PPP2R2C: variants seen among roughly 807,000 people sequenced by gnomAD.
PPP2R2C encodes the protein protein phosphatase 2, regulatory subunit B, gamma.
In PPP2R2C, 10 loss-of-function variants were observed where a neutral mutation model predicts 45.3. The observed-to-expected ratio is 0.22, with a 90% CI of 0.14 to 0.37. The LOEUF is 0.37. Ranked by LOEUF, PPP2R2C falls within the 10% of genes least tolerant of loss-of-function variation. The pLI, the probability that PPP2R2C is intolerant of heterozygous loss-of-function variation, is 1.00. For synonymous variants in PPP2R2C, 257 were observed against 245.4 expected, an observed-to-expected ratio of 1.05 and a Z score of -0.44; for missense variants, 308 against 619.7, an observed-to-expected ratio of 0.50 and a Z score of 5.34.
chr4:6,495,301 C>G (rs900474574), intron 2 of PPP2R2C, among the ~76,000 whole-genome samples: 1 of 152,216 alleles, frequency 6.6e-6, no homozygotes, highest in African/African-American at 2.4e-5. Context: ...ATCGAGGAGG[C>G]TGGAAGGACA....
rs913385604 is a variant in PPP2R2C, at chr4:6,490,399, C to T, written c.49+44872G>A. Among the ~76,000 whole-genome samples the T allele has an allele frequency of 5.9e-5, 9 of 152,332 alleles. No individual in the cohort carries two copies. In the East Asian group the frequency reaches 9.6e-4, roughly 16 times the overall value. On this transcript the variant is annotated intron_variant, in intron 2 of 9. Transcript: ENST00000506140. ...GCCTTCCTTGATTACTTCTGTGCTT[C>T]GAGTCATCATTAAGTCCATACCACA...
At chr4:6,529,112 G>A (rs887199116) in intron 2 of PPP2R2C, among the ~76,000 whole-genome samples, 1 of 152,242 alleles carries the variant, frequency 6.6e-6, no homozygotes, top group African/African-American at 2.4e-5. Context: ...ACCTCACAGG[G>A]ACAGGGAAGG....
chr4:6,366,857 A>G (rs1457919233), intron 5 of PPP2R2C, among the ~76,000 whole-genome samples: 2 of 152,088 alleles, frequency 1.3e-5, no homozygotes, highest in Non-Finnish European at 2.9e-5. Flanking sequence ...GGCACTGTGG[A>G]GGGGCTCAGG....
At chr4:6,444,390 C>T (rs950368853) in intron 1 of PPP2R2C, among the ~76,000 whole-genome samples, 76 of 152,286 alleles carry the variant, frequency 5.0e-4, no homozygotes, top group African/African-American at 1.6e-3. Flanking sequence ...TTCCTGACAA[C>T]CCCAAAGCCT....
At chr4:6,478,954 A>T (rs759338184) in intron 2 of PPP2R2C, among the ~76,000 whole-genome samples, 13 of 152,154 alleles carry the variant, frequency 8.5e-5, no homozygotes, top group Admixed American at 8.5e-4. Context: ...CAATTCACAA[A>T]ACCACCACAT....
chr4:6,502,503 C>T (rs1158795692), intron 2 of PPP2R2C, among the ~76,000 whole-genome samples: 5 of 151,820 alleles, frequency 3.3e-5, no homozygotes, highest in East Asian at 3.9e-4. Context: ...CCCTTTTTCC[C>T]TCTCTCCCTC....
chr4:6,420,810 T>C (rs907738356), intron 1 of PPP2R2C: 1 of 475,162 alleles, frequency 2.1e-6, no homozygotes, highest in Non-Finnish European at 2.8e-6. Flanking sequence ...CAGATAAGTA[T>C]TTGACATGGA....
chr4:6,511,533 G>GAT (rs1723491798), intron 2 of PPP2R2C, among the ~76,000 whole-genome samples: 1 of 61,058 alleles, frequency 1.6e-5, no homozygotes, highest in Non-Finnish European at 3.8e-5. Context: ...TGATGGTGGT[G>GAT]GTGGTGGTGG....
chr4:6,526,203 C>T (rs1245039464), intron 2 of PPP2R2C, among the ~76,000 whole-genome samples: 1 of 152,242 alleles, frequency 6.6e-6, no homozygotes, highest in African/African-American at 2.4e-5. Flanking sequence ...AATGCACACA[C>T]GTCTCCGTGA....
At chr4:6,372,405 A>G in intron 5 of PPP2R2C, 118 bp downstream of exon 5, 1 of 1,087,900 alleles carries the variant, frequency 9.2e-7, no homozygotes, top group Non-Finnish European at 1.3e-6. Context: ...GCCTCACTGA[A>G]GAAGTTAAAC....
chr4:6,348,559 T>A, intron 5 of PPP2R2C: 2 of 839,754 alleles, frequency 2.4e-6, no homozygotes, highest in Non-Finnish European at 2.9e-6. Flanking sequence ...AGTATGGAGA[T>A]TCTCCTTTGG....
At chr4:6,545,962 G>T (rs969525769) in intron 1 of PPP2R2C, among the ~76,000 whole-genome samples, 2 of 152,108 alleles carry the variant, frequency 1.3e-5, no homozygotes, top group African/African-American at 4.8e-5. Context: ...TTCCCTGGGT[G>T]GGGGGTGGGG....
intron 8 of PPP2R2C, among the ~76,000 whole-genome samples, chr4:6,325,453 G>T (rs913119394): frequency 2.3e-4 from 35 of 152,286 alleles, no homozygotes; most frequent in Middle Eastern, 3.4e-3. Context: ...GACTGGGGGA[G>T]GCCACACCCT....
chr4:6,414,904 A>T (rs1718469774), intron 1 of PPP2R2C, among the ~76,000 whole-genome samples: 1 of 152,190 alleles, frequency 6.6e-6, no homozygotes, highest in Admixed American at 6.5e-5. Flanking sequence ...ACATGTGCTT[A>T]GTTTTCCTGA....
chr4:6,498,611 C>T lies in PPP2R2C; in HGVS notation c.49+36660G>A, dbSNP rs188469051. Among the ~76,000 whole-genome samples the T allele has an allele frequency of 1.8e-3, 273 of 152,202 alleles. 1 individual carries two copies. The highest frequency in any genetic ancestry group is 6.5e-3 in the African/African-American group (269 of 41,530). Reference sequence around the variant, plus strand: ...AGGGTCAGCAGTTTGGAAAGGGGACCATGGGAGGTGACACCCTGCAGTGCG... The same window carrying T: ...AGGGTCAGCAGTTTGGAAAGGGGACTATGGGAGGTGACACCCTGCAGTGCG... On this transcript the variant is annotated intron_variant, in intron 2 of 9. Coordinates refer to the PPP2R2C transcript ENST00000506140.
intron 5 of PPP2R2C, among the ~76,000 whole-genome samples, chr4:6,361,909 T>C (rs568435885): frequency 6.6e-6 from 1 of 152,296 alleles, no homozygotes; most frequent in African/African-American, 2.4e-5. Context: ...CAGGTGCTCA[T>C]GTCAGAGATT....
intron 1 of PPP2R2C, among the ~76,000 whole-genome samples, chr4:6,436,333 G>C (rs1719894650): frequency 6.6e-6 from 1 of 152,216 alleles, no homozygotes; most frequent in East Asian, 1.9e-4. Context: ...CACCACAGAA[G>C]GTGTAGAAAA....
intron 1 of PPP2R2C, among the ~76,000 whole-genome samples, chr4:6,556,860 C>G (rs937473368): frequency 6.6e-6 from 1 of 152,180 alleles, no homozygotes; most frequent in Non-Finnish European, 1.5e-5. Flanking sequence ...CTGCACCCTC[C>G]TCCAAAGGAG....
chr4:6,522,063 C>T lies in PPP2R2C; in HGVS notation c.49+13208G>A, dbSNP rs184382795. On this transcript the variant is annotated intron_variant, in intron 2 of 9. Transcript: ENST00000506140. The stretch of plus-strand genomic sequence containing the variant: ...AGAAGTGTTGTTTCCAAACCTCACC[C>T]GATGGGCCTGTCTCTGTGAAATGCA... Among the ~76,000 whole-genome samples the T allele has an allele frequency of 3.9e-5, 6 of 152,198 alleles. No homozygotes were observed. The East Asian group carries it at 7.8e-4, about 20-fold the overall frequency.
Sources: gnomAD v4.1 joint callset for allele counts (sites outside exome capture counted in the v4.1 genomes callset) on GRCh38, gnomAD v4.1.1 for gene constraint, MANE v1.5 for transcripts, NCBI Gene and HGNC (gene_info 2026-07-23, HGNC 2026-07-21) for gene names.